The following PLCB4 variants were observed in gnomAD, a reference collection of about 807,000 sequenced individuals.
PLCB4 encodes the protein 1-phosphatidylinositol 4,5-bisphosphate phosphodiesterase beta-4.
Under a neutral mutation model 178.8 loss-of-function variants are expected in PLCB4, and 77 were observed. The ratio of observed to expected loss-of-function variants is 0.43; its 90% CI spans 0.36 to 0.52. The LOEUF (loss-of-function observed/expected upper bound fraction) is 0.52. PLCB4 is among the 20% of genes least tolerant of loss of function. The pLI is 0.00. For missense variants in PLCB4, 1,024 were observed against 1,453.4 expected, an observed-to-expected ratio of 0.70 and a Z score of 4.80; for synonymous variants, 496 against 490.8, an observed-to-expected ratio of 1.01 and a Z score of -0.14.
At chr20:9,156,480 T>G (rs1303374923) in intron 2 of PLCB4, among the ~76,000 whole-genome samples, 4 of 152,178 alleles carry the variant, frequency 2.6e-5, no homozygotes, top group Non-Finnish European at 4.4e-5. Flanking sequence ...AGCCTAGCAC[T>G]GCAGACCTGT....
chr20:9,188,434 A>G (rs933462073), intron 2 of PLCB4, among the ~76,000 whole-genome samples: 18 of 152,204 alleles, frequency 1.2e-4, no homozygotes, highest in Admixed American at 7.8e-4. Flanking sequence ...AGAGAGGTGG[A>G]GGGGAATTCA....
intron 28 of PLCB4, among the ~76,000 whole-genome samples, chr20:9,424,958 A>G (rs2040895186): frequency 6.6e-6 from 1 of 152,152 alleles, no homozygotes; most frequent in Admixed American, 6.5e-5. Context: ...TTACCAGTCT[A>G]ATATCAGAGT....
chr20:9,081,103 C>G (rs1006657880), intron 1 of PLCB4, among the ~76,000 whole-genome samples: 7 of 152,204 alleles, frequency 4.6e-5, no homozygotes, highest in African/African-American at 1.7e-4. Context: ...ATTGGCTATT[C>G]AGTGAGCATC....
intron 28 of PLCB4, among the ~76,000 whole-genome samples, chr20:9,427,677 G>A (rs2041119282): frequency 1.3e-5 from 2 of 152,212 alleles, no homozygotes; most frequent in Admixed American, 1.3e-4. Flanking sequence ...GAGACAGGAA[G>A]CAGTTCCAGG....
chr20:9,362,792 T>C (rs1301655045), intron 7 of PLCB4, 104 bp from the exon 8 acceptor site: 2 of 714,756 alleles, frequency 2.8e-6, no homozygotes, highest in East Asian at 2.7e-5. Flanking sequence ...AAAGAAGAGT[T>C]TGTGTTTTTA....
At chr20:9,410,865 T>A (rs747389553) in intron 24 of PLCB4, among the ~76,000 whole-genome samples, 172 bp from the exon 25 acceptor site, 4 of 152,154 alleles carry the variant, frequency 2.6e-5, no homozygotes, top group Non-Finnish European at 4.4e-5. Context: ...AAACATGAGG[T>A]CAATTCAACA....
chr20:9,185,311 T>TG, intron 2 of PLCB4, among the ~76,000 whole-genome samples: 1 of 127,310 alleles, frequency 7.9e-6, no homozygotes, highest in East Asian at 1.9e-4. Flanking sequence ...TTTTCTATAG[T>TG]TTTTTTTTTA....
chr20:9,088,556 A>G (rs2090541507), intron 1 of PLCB4, among the ~76,000 whole-genome samples: 1 of 152,212 alleles, frequency 6.6e-6, no homozygotes. Flanking sequence ...AATACTAAGT[A>G]CCAAATAAAT....
chr20:9,287,616 C>T (rs1027725662), intron 3 of PLCB4, among the ~76,000 whole-genome samples: 4 of 151,998 alleles, frequency 2.6e-5, no homozygotes. Flanking sequence ...AAGTTAATAT[C>T]GAGTCATGCC....
chr20:9,218,643 C>T lies in PLCB4; in HGVS notation c.-16+1191C>T, dbSNP rs762423441. On this transcript the variant is annotated intron_variant, in intron 3 of 39. Coordinates refer to ENST00000378473, the MANE Select transcript of PLCB4 (RefSeq NM_001377142.1). Reference sequence around the variant, plus strand: ...TACTTCATTATCTTCTGGCAGTGCCCGTGGCTGATTTTCTTCCGGCCTTTC... The same window carrying T: ...TACTTCATTATCTTCTGGCAGTGCCTGTGGCTGATTTTCTTCCGGCCTTTC... Among the ~76,000 whole-genome samples the T allele has an allele frequency of 7.9e-5, 12 of 152,288 alleles. No individual in the cohort carries two copies. The East Asian group carries it at 1.4e-3, about 17-fold the overall frequency.
At chr20:9,156,438 G>T (rs1326453924) in intron 2 of PLCB4, among the ~76,000 whole-genome samples, 2 of 152,168 alleles carry the variant, frequency 1.3e-5, no homozygotes, top group African/African-American at 4.8e-5. Flanking sequence ...TAACATGCCA[G>T]TGTTGCACAG....
chr20:9,230,338 T>C (rs1307483362), intron 3 of PLCB4, among the ~76,000 whole-genome samples: 2 of 151,946 alleles, frequency 1.3e-5, no homozygotes, highest in African/African-American at 4.8e-5. Flanking sequence ...TTGAGGGCAG[T>C]GGGGGATAAA....
chr20:9,407,780 A>G, intron 21 of PLCB4, 137 bp from the exon 22 acceptor site: 2 of 615,294 alleles, frequency 3.3e-6, no homozygotes, highest in South Asian at 5.6e-5. Context: ...AGTATCCTTT[A>G]GCATAATTGA....
chr20:9,160,727 T>G (rs1395482151), intron 2 of PLCB4, among the ~76,000 whole-genome samples: 1 of 152,094 alleles, frequency 6.6e-6, no homozygotes, highest in Non-Finnish European at 1.5e-5. Flanking sequence ...TGTATCTTTG[T>G]GAGAAGGGAG....
intron 12 of PLCB4, among the ~76,000 whole-genome samples, chr20:9,374,657 A>G (rs760665528): frequency 3.3e-5 from 5 of 152,168 alleles, no homozygotes; most frequent in African/African-American, 4.8e-5. Flanking sequence ...AGAGACCTTA[A>G]TACTGCATTT....
At chr20:9,357,905 G>C (rs558991777) in intron 7 of PLCB4, among the ~76,000 whole-genome samples, 1 of 151,824 alleles carries the variant, frequency 6.6e-6, no homozygotes, top group South Asian at 2.1e-4. Context: ...TCCAAGTTGA[G>C]GGGGGCTGCT....
intron 3 of PLCB4, among the ~76,000 whole-genome samples, chr20:9,285,792 T>C (rs2147728089): frequency 6.6e-6 from 1 of 152,118 alleles, no homozygotes; most frequent in East Asian, 1.9e-4. Context: ...TAAATATGGC[T>C]CCAGGTAGCA....
At chr20:9,462,331 A>T (rs2043455472) in intron 35 of PLCB4, among the ~76,000 whole-genome samples, 1 of 152,250 alleles carries the variant, frequency 6.6e-6, no homozygotes, top group Non-Finnish European at 1.5e-5. Flanking sequence ...AAATGTTGAA[A>T]ATTCTAAAAA....
intron 16 of PLCB4, among the ~76,000 whole-genome samples, chr20:9,390,177 A>G (rs1194337431): frequency 2.6e-5 from 4 of 152,200 alleles, no homozygotes; most frequent in Admixed American, 2.6e-4. Context: ...CCCAAACCAA[A>G]TCATTTTAAT....
Sources: gnomAD v4.1 joint callset for allele counts (sites outside exome capture counted in the v4.1 genomes callset) on GRCh38, gnomAD v4.1.1 for gene constraint, MANE v1.5 for transcripts, NCBI Gene and HGNC (gene_info 2026-07-23, HGNC 2026-07-21) for gene names.